SLC38A4: variants seen among roughly 807,000 people sequenced by gnomAD.
SLC38A4 encodes solute carrier family 38 member 4, also known as sodium-coupled neutral amino acid transporter 4.
In SLC38A4, 20 loss-of-function variants were observed where a neutral mutation model predicts 63.1. That is an observed-to-expected ratio of 0.32 (90% CI 0.22 to 0.46). The LOEUF is 0.46. Among genes scored for constraint, SLC38A4 ranks in the 20% least tolerant of loss-of-function variants. The pLI is 1.00. For missense variants in SLC38A4, 526 were observed against 663.6 expected (o/e 0.79, Z 2.28); for synonymous variants, 230 against 225.5 (o/e 1.02, Z -0.18).
At chr12:46,780,296 G>C (rs1427338359) in intron 7 of SLC38A4, among the ~76,000 whole-genome samples, 1 of 151,982 alleles carries the variant, frequency 6.6e-6, no homozygotes, top group African/African-American at 2.4e-5. Flanking sequence ...GCAGTTCTAA[G>C]GTTCTGCCCT....
intron 12 of SLC38A4, among the ~76,000 whole-genome samples, chr12:46,777,581 G>A (rs1272925658): frequency 6.6e-6 from 1 of 151,992 alleles, no homozygotes; most frequent in Non-Finnish European, 1.5e-5. Flanking sequence ...TATGGGGAAA[G>A]TTTTGCTATT....
rs534633553 is a variant in SLC38A4, at chr12:46,817,412, G to A, written c.-305+8491C>T. ...CAGGACTCACTAGATGCTTGACAGG[G>A]AGAAACTTCTGATAACTTTAATTGA... On this transcript the variant is annotated intron_variant, in intron 1 of 16. Coordinates refer to ENST00000266579, the MANE Select transcript of SLC38A4 (RefSeq NM_018018.5). Among the ~76,000 whole-genome samples, 23 of 151,854 alleles carry A rather than the reference G, an allele frequency of 1.5e-4. 1 individual carries two copies. The highest frequency in any genetic ancestry group is 5.1e-4 in the African/African-American group (21 of 41,482).
intron 14 of SLC38A4, among the ~76,000 whole-genome samples, chr12:46,772,668 A>G (rs1356466801): frequency 6.6e-6 from 1 of 152,090 alleles, no homozygotes; most frequent in Non-Finnish European, 1.5e-5. Flanking sequence ...ACCTTTTACT[A>G]AAAAGGAAAA....
At chr12:46,830,296 T>TCA (rs1383380116), upstream of SLC38A4, among the ~76,000 whole-genome samples, 1,624 of 118,932 alleles carry the variant, frequency 0.014, 14 homozygotes, top group Non-Finnish European at 0.019. Context: ...TCTCTCTCTC[T>TCA]CTCACACACA....
intron 14 of SLC38A4, 72 bp from the exon 15 acceptor site, chr12:46,769,500 A>G: frequency 1.3e-6 from 2 of 1,492,236 alleles, no homozygotes; most frequent in Non-Finnish European, 1.8e-6. Context: ...AAATATTCTC[A>G]TCACTCTAAT....
At position 46,793,055 on chromosome 12, in the gene SLC38A4, A is replaced by C; in HGVS notation, c.17T>G (p.Leu6Arg). 6.2e-7 allele frequency: 1 copy of C among 1,612,848 alleles called. No homozygotes were observed. MDPME[L>R]RNVNIEPDDE... ...ATCTGGTTCGATGTTGACATTTCTC[A>C]GTTCCATGGGATCCATTTGAGCTGT... is the stretch of plus-strand genomic sequence containing the variant. Residue 6 changes from leucine to arginine, a missense_variant, in exon 3 of 17, where the codon CTG (leucine) becomes CGG (arginine). By Grantham distance (102) the Leu-to-Arg change is moderately radical (BLOSUM62 -2). Coordinates refer to ENST00000266579, the MANE Select transcript of SLC38A4 (RefSeq NM_018018.5).
rs1199151709 is a variant in SLC38A4 at position 46,777,081 on chromosome 12, T to TA, written c.1074-78dup. 7.1e-5 allele frequency: 81 copies of TA among 1,143,800 alleles called. No homozygotes were observed. In the Middle Eastern group the frequency reaches 1.4e-3, roughly 20 times the overall value. 70.9% of individuals were successfully genotyped at this position (1,143,800 alleles called of 1,614,324 possible). On this transcript the variant is annotated intron_variant, in intron 12 of 16. Coordinates refer to ENST00000266579, the MANE Select transcript of SLC38A4 (RefSeq NM_018018.5). ...TCACTTTTCAAAATGAAAATAATAA[T>TA]AAAAAAGTATATCTATATTGCTCAT...
intron 1 of SLC38A4, among the ~76,000 whole-genome samples, chr12:46,810,200 G>A (rs1939312048): frequency 6.6e-6 from 1 of 151,944 alleles, no homozygotes; most frequent in Non-Finnish European, 1.5e-5. Flanking sequence ...TACAAATGCT[G>A]TGTTCAAGAA....
chr12:46,790,136 G>A (rs972395846), intron 3 of SLC38A4, among the ~76,000 whole-genome samples: 6 of 152,120 alleles, frequency 3.9e-5, no homozygotes, highest in Admixed American at 2.6e-4. Flanking sequence ...TATTGTAGGA[G>A]ATCTGTACAA....
chr12:46,817,499 G>A (rs1188506493), intron 1 of SLC38A4, among the ~76,000 whole-genome samples: 2 of 151,806 alleles, frequency 1.3e-5, no homozygotes, highest in Non-Finnish European at 2.9e-5. Context: ...CAAAGCAGAG[G>A]TTTTTAACCT....
At chr12:46,813,378 T>A (rs1402402975) in intron 1 of SLC38A4, among the ~76,000 whole-genome samples, 1 of 152,014 alleles carries the variant, frequency 6.6e-6, no homozygotes, top group Non-Finnish European at 1.5e-5. Flanking sequence ...GTTATTGTTT[T>A]CTCGCTGTAA....
In SLC38A4 at chr12:46,782,700, A is replaced by C. The variant is rs201750734; in HGVS notation, c.493+1842T>G. On this transcript the variant is annotated intron_variant, in intron 7 of 16. Coordinates refer to ENST00000266579, the MANE Select transcript of SLC38A4 (RefSeq NM_018018.5). ...ATGGAAGCAGAGAACCAGGGAGGAG[A>C]GAAGCATATACAGAACACTTATTAT... Among the ~76,000 whole-genome samples, 10 of 151,678 alleles carry C rather than the reference A, an allele frequency of 6.6e-5. No individual in the cohort carries two copies. The East Asian group carries it at 1.4e-3, about 21-fold the overall frequency.
At chr12:46,822,406 T>C (rs11183621) in intron 1 of SLC38A4, among the ~76,000 whole-genome samples, 1,736 of 152,256 alleles carry the variant, frequency 0.011, 22 homozygotes, top group East Asian at 0.064. Flanking sequence ...TTGATAGGCA[T>C]AAAGGGACCC....
chr12:46,808,973 G>A (rs1436763707), intron 1 of SLC38A4, among the ~76,000 whole-genome samples: 1 of 151,948 alleles, frequency 6.6e-6, no homozygotes, highest in Non-Finnish European at 1.5e-5. Flanking sequence ...GCAATTGATA[G>A]TTTAAAAAAT....
intron 1 of SLC38A4, among the ~76,000 whole-genome samples, chr12:46,808,570 C>CCT (rs1482776418): frequency 6.6e-6 from 1 of 151,832 alleles, no homozygotes; most frequent in East Asian, 1.9e-4. Flanking sequence ...CTATATTTTG[C>CCT]CTCTGCCTTT....
chr12:46,794,547 TA>T (rs1250377230), intron 2 of SLC38A4, among the ~76,000 whole-genome samples: 1 of 149,990 alleles, frequency 6.7e-6, no homozygotes, highest in Admixed American at 6.6e-5. Context: ...AAGGAATTCT[TA>T]AAAAAAAGAA....
At chr12:46,786,864 A>C (rs1938771957) in intron 5 of SLC38A4, among the ~76,000 whole-genome samples, 1 of 152,220 alleles carries the variant, frequency 6.6e-6, no homozygotes, top group African/African-American at 2.4e-5. Flanking sequence ...CATAAACAGC[A>C]CATATTTGTG....
chr12:46,768,469 G>T (rs781316373), intron 15 of SLC38A4, 62 bp from the exon 16 acceptor site: 76 of 1,182,746 alleles, frequency 6.4e-5, no homozygotes, highest in Non-Finnish European at 8.6e-5. Context: ...CAAAGGAGAT[G>T]CCAGCACACA....
chr12:46,829,490 G>A (rs181360448), upstream of SLC38A4, among the ~76,000 whole-genome samples: 19 of 151,244 alleles, frequency 1.3e-4, no homozygotes, highest in African/African-American at 3.9e-4. Context: ...ATAGGATAAG[G>A]CAAAAAGAAA....
Sources: allele counts gnomAD v4.1 joint callset (sites outside exome capture counted in the v4.1 genomes callset), GRCh38; gene constraint gnomAD v4.1.1; transcripts MANE v1.5; gene names NCBI Gene and HGNC (gene_info 2026-07-23, HGNC 2026-07-21).